C14orf39: variants seen among roughly 807,000 people sequenced by gnomAD.
The protein encoded by C14orf39 is protein SIX6OS1.
C14orf39 carries 66 observed loss-of-function variants against 85.6 expected under a neutral mutation model. The observed-to-expected ratio is 0.77, with a 90% CI of 0.63 to 0.95. The LOEUF (loss-of-function observed/expected upper bound fraction) is 0.95. C14orf39 is among the 40% of genes least tolerant of loss of function. The probability of loss-of-function intolerance (pLI) is 0.00; values close to 1 mark genes in which losing one functional copy is unlikely to be tolerated. For missense variants in C14orf39, 735 were observed against 663.9 expected (o/e 1.11, Z -1.18); for synonymous variants, 242 against 214.0 (o/e 1.13, Z -1.14).
At chr14:60,475,536 T>C (rs1892329285) in intron 5 of C14orf39, among the ~76,000 whole-genome samples, 1 of 152,134 alleles carries the variant, frequency 6.6e-6, no homozygotes, top group Admixed American at 6.5e-5. Flanking sequence ...CCATAACACA[T>C]TAAAATTATA....
At chr14:60,497,182 A>T (rs1330311213) in intron 2 of C14orf39, among the ~76,000 whole-genome samples, 1 of 152,052 alleles carries the variant, frequency 6.6e-6, no homozygotes, top group Non-Finnish European at 1.5e-5. Flanking sequence ...GGAATGCTCT[A>T]TCCTTCTTTA....
intron 16 of C14orf39, among the ~76,000 whole-genome samples, chr14:60,447,079 C>G (rs1203073213): frequency 6.6e-6 from 1 of 152,234 alleles, no homozygotes; most frequent in Admixed American, 6.5e-5. Flanking sequence ...TATGACAAAC[C>G]CACAGCCAAT....
chr14:60,496,689 T>C (rs2140178821), intron 2 of C14orf39: 1 of 152,862 alleles, frequency 6.5e-6, no homozygotes, highest in Admixed American at 6.5e-5. Context: ...CTCTTCCCAG[T>C]GAAGCTGCTT....
intron 4 of C14orf39, among the ~76,000 whole-genome samples, chr14:60,480,481 G>T (rs1000722391): frequency 2.0e-5 from 3 of 152,104 alleles, no homozygotes; most frequent in South Asian, 4.1e-4. Context: ...GTGGAGAAAA[G>T]GAAACTCTTG....
At chr14:60,465,868 AC>A (rs1422422970) in intron 11 of C14orf39, 110 bp downstream of exon 11, 394 of 12,996 alleles carry the variant, frequency 0.03, 9 homozygotes, top group Non-Finnish European at 0.097. Context: ...ACACACACAC[AC>A]ACACACACAC....
rs184655697 is a variant in C14orf39, at chr14:60,443,838, C to A, written c.1504-1707G>T. On this transcript the variant is annotated intron_variant, in intron 16 of 17. Coordinates refer to ENST00000321731, the MANE Select transcript of C14orf39 (RefSeq NM_174978.3). ...CAAAGATTCCAGAAGAAGGATCAGG[C>A]AGCAATATTTGCTGTTCTGCAATAT... 1.6e-4 allele frequency among the ~76,000 whole-genome samples: 24 copies of A among 152,292 alleles called. 2 individuals are homozygous for A. Among genetic ancestry groups the A allele is most frequent in the African/African-American group, 5.8e-4 (24 of 41,552 alleles).
At chr14:60,501,057 G>C (rs556808757) in intron 1 of C14orf39, among the ~76,000 whole-genome samples, 2 of 151,948 alleles carry the variant, frequency 1.3e-5, no homozygotes, top group Admixed American at 1.3e-4. Flanking sequence ...AGAATAGACT[G>C]TCTAGGGCCA....
chr14:60,458,335 C>T (rs867658705), intron 14 of C14orf39, among the ~76,000 whole-genome samples: 3 of 151,828 alleles, frequency 2.0e-5, no homozygotes, highest in Non-Finnish European at 4.4e-5. Flanking sequence ...TTGAAACCCG[C>T]TTTTTTAGCT....
intron 1 of C14orf39, among the ~76,000 whole-genome samples, chr14:60,507,120 C>T (rs950976855): frequency 5.9e-5 from 9 of 152,214 alleles, no homozygotes; most frequent in Admixed American, 1.3e-4. Context: ...ACCCCACCGC[C>T]TCTTCTGCGC....
intron 1 of C14orf39, among the ~76,000 whole-genome samples, chr14:60,502,973 G>C (rs578225626): frequency 7.9e-5 from 12 of 152,230 alleles, no homozygotes; most frequent in Non-Finnish European, 1.8e-4. Context: ...ATAGACTTCT[G>C]TAGTTGTAAT....
intron 16 of C14orf39, among the ~76,000 whole-genome samples, chr14:60,449,893 G>A (rs775147933): frequency 1.3e-5 from 2 of 152,106 alleles, no homozygotes; most frequent in Non-Finnish European, 2.9e-5. Flanking sequence ...ATTTTTGATA[G>A]GCTGGATTTT....
chr14:60,469,615 T>C lies in C14orf39; in HGVS notation c.593A>G (p.His198Arg). 1 of 1,508,242 alleles carries C rather than the reference T, an allele frequency of 6.6e-7. No individual in the cohort carries two copies. Among genetic ancestry groups the C allele is most frequent in the Non-Finnish European group, 9.0e-7 (1 of 1,115,482 alleles). The allele number at this position is 1,508,242 out of a possible 1,614,324, so 93.4% of individuals were successfully genotyped here. A position where few individuals can be genotyped will look rare whatever the true frequency, so the allele number is the denominator to read the frequency against. Residue 198 changes from histidine (H) to arginine (R), a missense_variant, in exon 8 of 18, where the codon CAT becomes CGT. His to Arg is a conservative substitution (Grantham distance 29). Coordinates refer to ENST00000321731, the MANE Select transcript of C14orf39 (RefSeq NM_174978.3). ...LRCETQDILKHASNLTKSSSE... is the reference protein window; with the variant it reads ...LRCETQDILKRASNLTKSSSE... ...TGAACTTTTGGTAAGATTGCTGGCA[T>C]GTTTAAGAATATCTTGTGTTTCACA...
chr14:60,513,432 A>G (rs911810343), intron 1 of C14orf39, among the ~76,000 whole-genome samples: 2 of 152,226 alleles, frequency 1.3e-5, no homozygotes, highest in African/African-American at 4.8e-5. Context: ...AGTGCAAGGC[A>G]CATGAGATTG....
At chr14:60,511,159 G>A (rs766380615) in intron 1 of C14orf39, 4 of 1,612,844 alleles carry the variant, frequency 2.5e-6, no homozygotes, top group Non-Finnish European at 2.5e-6. Flanking sequence ...CAGAGGTGCT[G>A]GGCGTCGCCA....
At chr14:60,490,123 G>C (rs1353847509), upstream of C14orf39, among the ~76,000 whole-genome samples, 1 of 151,962 alleles carries the variant, frequency 6.6e-6, no homozygotes, top group Non-Finnish European at 1.5e-5. Context: ...ATTAAATGTT[G>C]TAAATCTCAG....
At position 60,506,312 on chromosome 14, in the gene C14orf39, G is replaced by T. The variant is rs890091432; in HGVS notation, c.-143-6882C>A. ...TAAGAAGTGAGGGGTTGCCTGGAGG[G>T]TTGGCACAAAACCTCAAAACTGGTA... On this transcript the variant is annotated intron_variant, in intron 1 of 5. Coordinates refer to the C14orf39 transcript ENST00000556799. 4.1e-4 allele frequency among the ~76,000 whole-genome samples: 62 copies of T among 152,302 alleles called. 1 individual carries two copies. Among genetic ancestry groups the T allele is most frequent in the African/African-American group, 1.3e-3 (56 of 41,570 alleles).
upstream of C14orf39, among the ~76,000 whole-genome samples, chr14:60,490,520 A>G (rs1464719981): frequency 1.3e-5 from 2 of 152,146 alleles, no homozygotes; most frequent in East Asian, 3.9e-4. Flanking sequence ...ACTACTTGGG[A>G]GGCTGGGGCG....
chr14:60,443,981 A>G (rs1890645386), intron 16 of C14orf39, among the ~76,000 whole-genome samples: 1 of 152,218 alleles, frequency 6.6e-6, no homozygotes, highest in Non-Finnish European at 1.5e-5. Context: ...AAAACTAACA[A>G]ACAGAAAGGA....
In C14orf39 at chr14:60,455,073, ACT is replaced by A. The variant is rs1269469550; in HGVS notation, c.1429_1430del (p.Ser477LeufsTer4). ...KESPGLSFLM[S>X]YTSRSPGLNL... ...TCAATCCAGGTGATCTAGAAGTATAACTCATAAGAAAAGAAAGTCCAGGGGAT... is the reference window on the plus strand; with the variant it reads ...TCAATCCAGGTGATCTAGAAGTATAACATAAGAAAAGAAAGTCCAGGGGAT... On this transcript the variant is annotated frameshift_variant, in exon 16 of 18. Coordinates refer to ENST00000321731, the MANE Select transcript of C14orf39 (RefSeq NM_174978.3). LOFTEE classifies it high-confidence loss of function. The A allele has an allele frequency of 1.3e-6, 2 of 1,578,948 alleles. No individual in the cohort carries two copies. The highest frequency in any genetic ancestry group is 2.8e-5 in the African/African-American group (2 of 72,030).
Sources: gnomAD v4.1 joint callset for allele counts (sites outside exome capture counted in the v4.1 genomes callset) on GRCh38, gnomAD v4.1.1 for gene constraint, MANE v1.5 for transcripts, NCBI Gene and HGNC (gene_info 2026-07-23, HGNC 2026-07-21) for gene names.